Variants in SEL1L2 observed in about 807,000 individuals in gnomAD.
The protein encoded by SEL1L2 is protein sel-1 homolog 2.
Under a neutral mutation model 98.8 loss-of-function variants are expected in SEL1L2, and 89 were observed. The observed-to-expected ratio is 0.90, with a 90% CI of 0.76 to 1.07. SEL1L2 has a LOEUF of 1.07. SEL1L2 is among the 50% of genes least tolerant of loss of function. SEL1L2 has a pLI of 0.00. For synonymous variants in SEL1L2, 262 were observed against 278.5 expected (o/e 0.94, Z 0.59); for missense variants, 788 against 812.0 (o/e 0.97, Z 0.36).
intron 2 of SEL1L2, among the ~76,000 whole-genome samples, chr20:13,939,469 T>C (rs1312846125): frequency 1.3e-5 from 2 of 152,200 alleles, no homozygotes; most frequent in South Asian, 2.1e-4. Flanking sequence ...AATTTTAGCA[T>C]ATCCTAGGCC....
chr20:13,956,246 ATTG>A (rs946557196), intron 1 of SEL1L2, 115 bp from the exon 2 acceptor site: 1 of 574,348 alleles, frequency 1.7e-6, no homozygotes, highest in African/African-American at 2.0e-5. Flanking sequence ...TCTAAGAATA[ATTG>A]TTGACAATAA....
At chr20:13,992,252 C>T (rs1229528199), upstream of SEL1L2, among the ~76,000 whole-genome samples, 1 of 151,656 alleles carries the variant, frequency 6.6e-6, no homozygotes, top group Non-Finnish European at 1.5e-5. Context: ...GCCTGTAATC[C>T]CAGTACTTTG....
intron 2 of SEL1L2, among the ~76,000 whole-genome samples, chr20:13,950,207 G>A (rs2050202829): frequency 6.6e-6 from 1 of 152,040 alleles, no homozygotes; most frequent in South Asian, 2.1e-4. Context: ...TTTTTTAATG[G>A]ATATAGAGTT....
At position 13,870,197 on chromosome 20, in the gene SEL1L2, C is replaced by T; in HGVS notation, c.1111G>A (p.Ala371Thr). 1 of 1,610,426 alleles carries T rather than the reference C, an allele frequency of 6.2e-7. No individual in the cohort carries two copies. The highest frequency in any genetic ancestry group is 8.5e-7 in the Non-Finnish European group (1 of 1,177,374). The stretch of plus-strand genomic sequence containing the variant: ...AGACCAAGCCCATGAAGGCCGATTG[C>T]ATTGCCCTAGAAGAGTTTTATAAAG... ...YFSMAASKGN[A>T]IGLHGLGLLY... The change falls in exon 13 of 20, where the codon GCA becomes ACA. Residue 371 changes from alanine (A) to threonine (T), a missense_variant. Ala to Thr is a moderately conservative substitution (Grantham distance 58, BLOSUM62 0). Coordinates refer to ENST00000284951, the MANE Select transcript of SEL1L2 (RefSeq NM_025229.2).
At chr20:13,865,638 A>T in intron 15 of SEL1L2, 124 bp from the exon 16 acceptor site, 2 of 730,990 alleles carry the variant, frequency 2.7e-6, no homozygotes, top group Non-Finnish European at 4.4e-6. Context: ...GGTCTAAAAC[A>T]TGGCTTTTGC....
At chr20:13,858,816 G>T (rs1441880963) in intron 18 of SEL1L2, among the ~76,000 whole-genome samples, 2 of 152,156 alleles carry the variant, frequency 1.3e-5, no homozygotes, top group Admixed American at 6.5e-5. Flanking sequence ...TACACAGTAG[G>T]TGCTTCATAA....
intron 5 of SEL1L2, among the ~76,000 whole-genome samples, chr20:13,900,290 G>T (rs2047613706): frequency 6.6e-6 from 1 of 152,158 alleles, no homozygotes; most frequent in Non-Finnish European, 1.5e-5. Flanking sequence ...ATATAGCACT[G>T]TCTCATAATT....
chr20:13,850,635 T>G (rs1988096545), intron 18 of SEL1L2, among the ~76,000 whole-genome samples: 1 of 152,134 alleles, frequency 6.6e-6, no homozygotes. Flanking sequence ...AACAAGAACC[T>G]TGGTCCTACA....
chr20:13,850,044 C>A, intron 19 of SEL1L2, 147 bp downstream of exon 19: 1 of 801,952 alleles, frequency 1.2e-6, no homozygotes, highest in South Asian at 1.8e-5. Context: ...CAGAATTACT[C>A]TGCATGGCAA....
rs553576320 is a variant in SEL1L2, at chr20:13,966,357, C to T, written c.59-10226G>A. ...TTTTTGAGGCGGAGTTTCGCTCTGT[C>T]GCCCAGGCTGGAGTGCAACGGCACA... On this transcript the variant is annotated intron_variant, in intron 1 of 19. Coordinates refer to ENST00000284951, the MANE Select transcript of SEL1L2 (RefSeq NM_025229.2). Among the ~76,000 whole-genome samples, 203 of 152,208 alleles carry T rather than the reference C, an allele frequency of 1.3e-3. 1 individual carries two copies. The highest frequency in any genetic ancestry group is 4.3e-3 in the African/African-American group (179 of 41,532).
At chr20:13,983,039 A>AAAAAAAAAAAAAAAAAAAAAAAAAAG (rs2051929924) in intron 1 of SEL1L2, among the ~76,000 whole-genome samples, 2 of 142,472 alleles carry the variant, frequency 1.4e-5, no homozygotes, top group Non-Finnish European at 3.1e-5. Context: ...AAAAAAAAAA[A>AAAAAAAAAAAAAAAAAAAAAAAAAAG]AAAAAAAAAG....
chr20:13,859,697 G>T (rs1417060745), intron 17 of SEL1L2, among the ~76,000 whole-genome samples: 1 of 152,048 alleles, frequency 6.6e-6, no homozygotes, highest in Non-Finnish European at 1.5e-5. Flanking sequence ...TGTTGTTGTT[G>T]TTTGTTTGTT....
At chr20:13,987,311 GTTTTTT>G (rs67919960) in intron 1 of SEL1L2, among the ~76,000 whole-genome samples, 18 of 132,224 alleles carry the variant, frequency 1.4e-4, no homozygotes, top group Middle Eastern at 3.9e-3. Flanking sequence ...TTAATTTACT[GTTTTTT>G]TTTTTTTTTT....
At chr20:13,947,515 A>G (rs113507866) in intron 2 of SEL1L2, among the ~76,000 whole-genome samples, 3,520 of 152,094 alleles carry the variant, frequency 0.023, 54 homozygotes, top group Non-Finnish European at 0.038. Flanking sequence ...TCACCCTCCA[A>G]TTGTCTGCGT....
upstream of SEL1L2, chr20:13,990,682 T>C (rs1400053900): frequency 9.9e-6 from 6 of 605,966 alleles, no homozygotes; most frequent in East Asian, 1.5e-4. Context: ...GCTGCCAGAG[T>C]GTTCCTTTCA....
chr20:13,937,356 C>T (rs2049505648), intron 2 of SEL1L2, among the ~76,000 whole-genome samples: 1 of 152,188 alleles, frequency 6.6e-6, no homozygotes, highest in Non-Finnish European at 1.5e-5. Flanking sequence ...GCGACTGGAG[C>T]CCGACATGCG....
At chr20:13,881,041 G>A (rs1488573942) in intron 10 of SEL1L2, among the ~76,000 whole-genome samples, 1 of 152,164 alleles carries the variant, frequency 6.6e-6, no homozygotes, top group Non-Finnish European at 1.5e-5. Flanking sequence ...TTGAGATGGA[G>A]TCTCACTCTG....
At chr20:13,870,075 G>A in intron 13 of SEL1L2, 66 bp downstream of exon 13, 2 of 1,144,832 alleles carry the variant, frequency 1.7e-6, no homozygotes, top group South Asian at 1.3e-5. Context: ...TTAAACTAAT[G>A]AATGACCATG....
intron 3 of SEL1L2, among the ~76,000 whole-genome samples, chr20:13,922,438 T>G (rs1029525765): frequency 1.3e-5 from 2 of 152,226 alleles, no homozygotes; most frequent in Non-Finnish European, 1.5e-5. Context: ...GGATCGTTAT[T>G]CTTCTTCCAC....
Sources: gnomAD v4.1 joint callset for allele counts (sites outside exome capture counted in the v4.1 genomes callset) on GRCh38, gnomAD v4.1.1 for gene constraint, MANE v1.5 for transcripts, NCBI Gene and HGNC (gene_info 2026-07-23, HGNC 2026-07-21) for gene names.